The following JAKMIP3 variants were observed in gnomAD, a reference collection of about 807,000 sequenced individuals.
The protein encoded by JAKMIP3 is janus kinase and microtubule-interacting protein 3.
JAKMIP3 carries 58 observed loss-of-function variants against 118.5 expected under a neutral mutation model. The ratio of observed to expected loss-of-function variants is 0.49; its 90% CI spans 0.40 to 0.61. The LOEUF (loss-of-function observed/expected upper bound fraction) is 0.61. JAKMIP3 is among the 20% of genes least tolerant of loss of function. The pLI, the probability that JAKMIP3 is intolerant of heterozygous loss-of-function variation, is 0.00. For synonymous variants in JAKMIP3, 486 were observed against 451.2 expected (o/e 1.08, Z -0.98); for missense variants, 950 against 1,109.0 (o/e 0.86, Z 2.04).
At chr10:132,056,036 C>T (rs955363680) in intron 1 of JAKMIP3, among the ~76,000 whole-genome samples, 4 of 152,328 alleles carry the variant, frequency 2.6e-5, no homozygotes, top group South Asian at 2.1e-4. Flanking sequence ...TGGGGACACA[C>T]GCCGCCCTTG....
At chr10:132,093,628 C>G (rs944174122) in intron 1 of JAKMIP3, among the ~76,000 whole-genome samples, 3 of 152,224 alleles carry the variant, frequency 2.0e-5, no homozygotes, top group Non-Finnish European at 2.9e-5. Context: ...TTTCCAGGTG[C>G]TGTCCATCAC....
intron 23 of JAKMIP3, among the ~76,000 whole-genome samples, chr10:132,171,631 C>T (rs2136840826): frequency 6.6e-6 from 1 of 151,360 alleles, no homozygotes; most frequent in South Asian, 2.1e-4. Flanking sequence ...CCCCTGATGT[C>T]CCTGTCTTAT....
chr10:132,143,264 T>C (rs372951148), intron 11 of JAKMIP3, among the ~76,000 whole-genome samples: 2 of 152,160 alleles, frequency 1.3e-5, no homozygotes, highest in South Asian at 2.1e-4. Flanking sequence ...GCATGACCCT[T>C]GGAGAAAGGA....
At position 132,117,449 on chromosome 10, in the gene JAKMIP3, G is replaced by A. The variant is rs770817262; in HGVS notation, c.508G>A (p.Glu170Lys). 6.2e-7 allele frequency: 1 copy of A among 1,613,972 alleles called. No individual in the cohort carries two copies. The highest frequency in any genetic ancestry group is 8.5e-7 in the Non-Finnish European group (1 of 1,179,896). Reference protein sequence around the residue: ...ELKGAKRQVEEALTLVIQADK... With the variant: ...ELKGAKRQVEKALTLVIQADK... ...CAAGGGCGCCAAAAGGCAGGTGGAGGAGGCGCTGACGCTGGTGATCCAAGC... is the reference window on the plus strand; with the variant it reads ...CAAGGGCGCCAAAAGGCAGGTGGAGAAGGCGCTGACGCTGGTGATCCAAGC... The change falls in exon 3 of 24, where the codon GAG becomes AAG. Residue 170 changes from glutamate to lysine, a missense_variant. Coordinates refer to ENST00000684848, the MANE Select transcript of JAKMIP3 (RefSeq NM_001323087.2). The surrounding 1 kb of genome is among the most constrained non-coding windows in gnomAD (Gnocchi z 8.6).
chr10:132,140,416 T>C, intron 9 of JAKMIP3, 35 bp from the exon 10 acceptor site: 2 of 1,612,166 alleles, frequency 1.2e-6, no homozygotes, highest in Non-Finnish European at 1.7e-6. Flanking sequence ...TGCCTGGGTC[T>C]GGTTTGAACT....
At chr10:132,138,849 G>A (rs1053947425) in intron 9 of JAKMIP3, among the ~76,000 whole-genome samples, 3 of 152,180 alleles carry the variant, frequency 2.0e-5, no homozygotes, top group South Asian at 2.1e-4. Flanking sequence ...CTGTCCTGCC[G>A]TTCACCGTCC....
In JAKMIP3 at chr10:132,152,194, C is replaced by G. The variant is rs538852577; in HGVS notation, c.2008-764C>G. ...GACTACAGACTGAGCCTGACTCCCCCCTGTGGGAGACCCTGTGCAGACTTT... is the reference window on the plus strand; with the variant it reads ...GACTACAGACTGAGCCTGACTCCCCGCTGTGGGAGACCCTGTGCAGACTTT... On this transcript the variant is annotated intron_variant, in intron 16 of 23. Coordinates refer to ENST00000684848, the MANE Select transcript of JAKMIP3 (RefSeq NM_001323087.2). Among the ~76,000 whole-genome samples, 17 of 152,328 alleles carry G rather than the reference C, an allele frequency of 1.1e-4. 1 individual carries two copies. Among genetic ancestry groups the G allele is most frequent in the Admixed American group, 2.0e-4 (3 of 15,304 alleles).
At chr10:132,177,467 T>C (rs987174647) in intron 23 of JAKMIP3, among the ~76,000 whole-genome samples, 2 of 150,330 alleles carry the variant, frequency 1.3e-5, no homozygotes, top group Non-Finnish European at 3.0e-5. Context: ...CATGTGTGTG[T>C]GCACACTGTG....
At chr10:132,073,750 G>C (rs1458932384) in intron 1 of JAKMIP3, among the ~76,000 whole-genome samples, 2 of 151,842 alleles carry the variant, frequency 1.3e-5, no homozygotes, top group African/African-American at 4.8e-5. Context: ...CACTTGCCTT[G>C]GCCTTCCAAA....
chr10:132,087,450 A>G (rs186415433), intron 1 of JAKMIP3, among the ~76,000 whole-genome samples: 1 of 152,122 alleles, frequency 6.6e-6, no homozygotes, highest in South Asian at 2.1e-4. Context: ...TCCCCCAAAT[A>G]TGTTTTACAG....
rs2040612481 is a variant in JAKMIP3 at position 132,075,362 on chromosome 10, T to C, written c.-138+9301T>C. ...TTGAAGAAATAATGCTCCCTTTAAA[T>C]TTTTCCATTTTTTTTTTTTGCTATT... On this transcript the variant is annotated intron_variant, in intron 1 of 23. Transcript: ENST00000684848. Among the ~76,000 whole-genome samples the C allele has an allele frequency of 3.1e-5, 3 of 97,420 alleles. No homozygotes were observed. In the South Asian group the frequency reaches 1.1e-3, roughly 36 times the overall value. The allele number at this position is 97,420 out of a possible 152,430, so 63.9% of individuals were successfully genotyped here. A position where few individuals can be genotyped will look rare whatever the true frequency, so the allele number is the denominator to read the frequency against.
rs1000646480 is a variant in JAKMIP3, at chr10:132,183,034, C to T, written c.*1781C>T. 1.3e-5 allele frequency: 2 copies of T among 152,196 alleles called. No individual in the cohort carries two copies. Among genetic ancestry groups the T allele is most frequent in the African/African-American group, 4.8e-5 (2 of 41,440 alleles). The allele number at this position is 152,196 out of a possible 1,614,324, so 9.4% of individuals were successfully genotyped here. A position where few individuals can be genotyped will look rare whatever the true frequency, so the allele number is the denominator to read the frequency against. On this transcript the variant is annotated 3_prime_UTR_variant, in exon 24 of 24. Coordinates refer to ENST00000684848, the MANE Select transcript of JAKMIP3 (RefSeq NM_001323087.2). ...TTCAGTGTCTCTAGCTGAGCCTGAC[C>T]TCGGGGTTTGCGTCTCGAGTCTGAA...
chr10:132,181,759 G>GA (rs1480061509), intron 23 of JAKMIP3, among the ~76,000 whole-genome samples: 1 of 151,990 alleles, frequency 6.6e-6, no homozygotes, highest in Non-Finnish European at 1.5e-5. Context: ...TCCTAGATTA[G>GA]AAAACCGTGG....
chr10:132,163,176 G>C (rs537673945), intron 19 of JAKMIP3, 33 bp from the exon 20 acceptor site: 2 of 1,537,170 alleles, frequency 1.3e-6, no homozygotes, highest in Admixed American at 3.9e-5. Context: ...TGGGGAGAAG[G>C]CAAGGACTAA....
rs527859135 is a variant in JAKMIP3, at chr10:132,180,772, T to TGCGTGTGTGTGC, written c.*1104-1584_*1104-1583insCGTGTGTGTGCG. ...GCGCGCGTGTGTGCGTGTGTGTGCG[T>TGCGTGTGTGTGC]GTGTGTGTGTGCGCGTATGCATGTG... On this transcript the variant is annotated intron_variant, in intron 23 of 23. Transcript: ENST00000684848. Among the ~76,000 whole-genome samples the TGCGTGTGTGTGC allele has an allele frequency of 4.7e-5, 3 of 63,678 alleles. 1 individual carries two copies. In the South Asian group the frequency reaches 1.4e-3, roughly 29 times the overall value. The allele number at this position is 63,678 out of a possible 152,430, so 41.8% of individuals were successfully genotyped here. A position where few individuals can be genotyped will look rare whatever the true frequency, so the allele number is the denominator to read the frequency against.
In JAKMIP3 at chr10:132,112,027, C is replaced by T. The variant is rs2046956610; in HGVS notation, c.136-5050C>T. On this transcript the variant is annotated intron_variant, in intron 2 of 23. Transcript: ENST00000684848. This position sits in a 1 kb window ranked among gnomAD's most constrained non-coding sequence, Gnocchi z 4.3. ...GGGGAGAGGAGCCAGGAGGTGTTGGCAGGCGGGGGTAGAGCGTGCGGGTGG... is the reference window on the plus strand; with the variant it reads ...GGGGAGAGGAGCCAGGAGGTGTTGGTAGGCGGGGGTAGAGCGTGCGGGTGG... 6.6e-6 allele frequency among the ~76,000 whole-genome samples: 1 copy of T among 151,960 alleles called. No individual in the cohort carries two copies. Among genetic ancestry groups the T allele is most frequent in the Non-Finnish European group, 1.5e-5 (1 of 67,974 alleles).
chr10:132,139,323 T>TGA (rs1554946511), intron 9 of JAKMIP3, among the ~76,000 whole-genome samples: 7 of 119,204 alleles, frequency 5.9e-5, no homozygotes, highest in African/African-American at 1.4e-4. Flanking sequence ...TATGTGTATG[T>TGA]GTGTGTGTTT....
chr10:132,067,862 G>GTGGAC (rs2039107713), intron 1 of JAKMIP3, among the ~76,000 whole-genome samples: 1 of 148,340 alleles, frequency 6.7e-6, no homozygotes, highest in Non-Finnish European at 1.5e-5. Context: ...GGGCTTACGT[G>GTGGAC]TGGACTGTGG....
chr10:132,147,187 C>G (rs989485936), intron 13 of JAKMIP3, among the ~76,000 whole-genome samples: 2 of 152,214 alleles, frequency 1.3e-5, no homozygotes, highest in African/African-American at 4.8e-5. Flanking sequence ...GGGGGTCCAG[C>G]TCCCACTGAG....
Sources: gnomAD v4.1 joint callset for allele counts (sites outside exome capture counted in the v4.1 genomes callset) on GRCh38, gnomAD v4.1.1 for gene constraint, Gnocchi (gnomAD v3.1) non-coding constraint, MANE v1.5 for transcripts, NCBI Gene and HGNC (gene_info 2026-07-23, HGNC 2026-07-21) for gene names.